The following ELAVL2 variants were observed in gnomAD, a reference collection of about 807,000 sequenced individuals.
ELAVL2 encodes the protein ELAV like RNA binding protein 2.
In ELAVL2, 4 loss-of-function variants were observed where a neutral mutation model predicts 34.6. That is an observed-to-expected ratio of 0.12 (90% CI 0.06 to 0.26). The LOEUF (loss-of-function observed/expected upper bound fraction) is 0.26. Ranked by LOEUF, ELAVL2 falls within the 10% of genes least tolerant of loss-of-function variation. The pLI, the probability that ELAVL2 is intolerant of heterozygous loss-of-function variation, is 1.00. For missense variants in ELAVL2, 432 were observed against 442.8 expected, an observed-to-expected ratio of 0.98 and a Z score of 0.22; for synonymous variants, 193 against 154.8, an observed-to-expected ratio of 1.25 and a Z score of -1.83.
chr9:23,751,794 G>T (rs1247620876), intron 2 of ELAVL2, among the ~76,000 whole-genome samples: 1 of 152,114 alleles, frequency 6.6e-6, no homozygotes, highest in East Asian at 1.9e-4. Flanking sequence ...CATATTTTAA[G>T]TCAAGCTAAT....
chr9:23,750,225 C>T (rs1040559326), intron 2 of ELAVL2, among the ~76,000 whole-genome samples: 3 of 151,960 alleles, frequency 2.0e-5, no homozygotes, highest in African/African-American at 7.2e-5. Flanking sequence ...AGTAGCACAT[C>T]AGGACTAGCT....
At chr9:23,735,663 T>C (rs2047712187) in intron 2 of ELAVL2, 4 of 152,224 alleles carry the variant, frequency 2.6e-5, no homozygotes, top group Admixed American at 2.0e-4. Context: ...GAATGCCTTT[T>C]GTTTCACACG....
At chr9:23,786,434 C>T (rs80149958) in intron 1 of ELAVL2, among the ~76,000 whole-genome samples, 5,808 of 151,956 alleles carry the variant, frequency 0.038, 181 homozygotes, top group Middle Eastern at 0.15. Context: ...ACTGAAATGA[C>T]AACAACCCAA....
At chr9:23,703,392 C>T (rs1280717132) in intron 4 of ELAVL2, among the ~76,000 whole-genome samples, 1 of 152,166 alleles carries the variant, frequency 6.6e-6, no homozygotes, top group Non-Finnish European at 1.5e-5. Flanking sequence ...GATAACAACA[C>T]AGGGTGGCAA....
At chr9:23,776,651 G>A (rs1448001632) in intron 1 of ELAVL2, among the ~76,000 whole-genome samples, 1 of 143,086 alleles carries the variant, frequency 7.0e-6, no homozygotes, top group African/African-American at 2.6e-5. Flanking sequence ...GGTGTCCAAA[G>A]AAGTCAAACG....
chr9:23,831,631 G>A, the ELAVL2 span: 1 of 152,272 alleles, frequency 6.6e-6, no homozygotes, highest in African/African-American at 2.4e-5. Flanking sequence ...CGCTTGATAA[G>A]GCCAACCCAA....
At chr9:23,823,336 C>T (rs1324528459) in intron 1 of ELAVL2, among the ~76,000 whole-genome samples, 1 of 152,176 alleles carries the variant, frequency 6.6e-6, no homozygotes, top group Non-Finnish European at 1.5e-5. Context: ...CAATCCAAAC[C>T]TAAAACTCTT....
At chr9:23,775,990 C>G (rs889019134) in intron 1 of ELAVL2, among the ~76,000 whole-genome samples, 2 of 152,094 alleles carry the variant, frequency 1.3e-5, no homozygotes, top group Non-Finnish European at 2.9e-5. Context: ...AAGACAGATC[C>G]ATAAAGAGAA....
chr9:23,719,766 G>C (rs1189451069), intron 3 of ELAVL2, among the ~76,000 whole-genome samples: 1 of 151,820 alleles, frequency 6.6e-6, no homozygotes, highest in African/African-American at 2.4e-5. Flanking sequence ...GAAGGAAGAG[G>C]GGTTTGGTTG....
chr9:23,783,961 G>A (rs1185577552), intron 1 of ELAVL2, among the ~76,000 whole-genome samples: 2 of 152,158 alleles, frequency 1.3e-5, no homozygotes, highest in African/African-American at 2.4e-5. Context: ...TTGGGAGGCT[G>A]AGGCGCGTGG....
intron 3 of ELAVL2, among the ~76,000 whole-genome samples, chr9:23,718,072 T>G (rs1041767260): frequency 6.6e-6 from 1 of 152,202 alleles, no homozygotes; most frequent in Admixed American, 6.5e-5. Flanking sequence ...ACAGGCCTAT[T>G]AGTCTTGTTA....
At chr9:23,757,315 A>T (rs973634008) in intron 2 of ELAVL2, among the ~76,000 whole-genome samples, 1 of 152,086 alleles carries the variant, frequency 6.6e-6, no homozygotes, top group Non-Finnish European at 1.5e-5. Context: ...CTTCATCTTT[A>T]AAGAGTGAGC....
At position 23,691,231 on chromosome 9, in the gene ELAVL2, C is replaced by T. The variant is rs2033073191; in HGVS notation, c.*1326G>A. On this transcript the variant is annotated 3_prime_UTR_variant, in exon 7 of 7. Transcript: ENST00000397312. ...AAACTGATACAAAAACATTCAAAACCTGAACATCACTTGGCATGTAAGGGA... is the reference window on the plus strand; with the variant it reads ...AAACTGATACAAAAACATTCAAAACTTGAACATCACTTGGCATGTAAGGGA... The T allele has an allele frequency of 6.6e-6, 1 of 152,464 alleles. No homozygotes were observed. Among genetic ancestry groups the T allele is most frequent in the Non-Finnish European group, 1.5e-5 (1 of 67,982 alleles). 9.4% of individuals were successfully genotyped at this position (152,464 alleles called of 1,614,324 possible).
chr9:23,721,339 A>C (rs1294203682), intron 3 of ELAVL2, among the ~76,000 whole-genome samples: 1 of 152,220 alleles, frequency 6.6e-6, no homozygotes, highest in African/African-American at 2.4e-5. Flanking sequence ...AGGAATATGA[A>C]TATGGTTATT....
chr9:23,792,376 C>T (rs933075129), intron 1 of ELAVL2, among the ~76,000 whole-genome samples: 4 of 152,186 alleles, frequency 2.6e-5, no homozygotes, highest in Admixed American at 2.6e-4. Flanking sequence ...CATGCCCCCT[C>T]GCTTTTGAAT....
chr9:23,831,846 A>G, the ELAVL2 span, among the ~76,000 whole-genome samples: 7 of 152,176 alleles, frequency 4.6e-5, no homozygotes, highest in African/African-American at 7.2e-5. Flanking sequence ...GAGAGAAGAA[A>G]AAGCCCACGG....
intron 3 of ELAVL2, among the ~76,000 whole-genome samples, chr9:23,706,523 C>A (rs1383147233): frequency 6.6e-6 from 1 of 152,182 alleles, no homozygotes; most frequent in African/African-American, 2.4e-5. Flanking sequence ...TCTTTGCCAA[C>A]ATTTAGTCTC....
At chr9:23,757,686 GC>G (rs1411213602) in intron 2 of ELAVL2, among the ~76,000 whole-genome samples, 1 of 152,026 alleles carries the variant, frequency 6.6e-6, no homozygotes. Context: ...CATGATGAAT[GC>G]CTATAGATAG....
At chr9:23,736,468 A>AG (rs1433630571) in intron 2 of ELAVL2, among the ~76,000 whole-genome samples, 1 of 152,122 alleles carries the variant, frequency 6.6e-6, no homozygotes, top group South Asian at 2.1e-4. Context: ...AAAAAGCAGC[A>AG]GGGGGTGAGA....
Sources: gnomAD v4.1 joint callset for allele counts (sites outside exome capture counted in the v4.1 genomes callset) on GRCh38, gnomAD v4.1.1 for gene constraint, MANE v1.5 for transcripts, NCBI Gene and HGNC (gene_info 2026-07-23, HGNC 2026-07-21) for gene names.